TOR3A: variants seen among roughly 807,000 people sequenced by gnomAD.
TOR3A encodes the protein torsin family 3 member A, also known as torsin-3A.
Under a neutral mutation model 42.1 loss-of-function variants are expected in TOR3A, and 44 were observed. The observed-to-expected ratio is 1.04, with a 90% CI of 0.82 to 1.34. The LOEUF (loss-of-function observed/expected upper bound fraction) is 1.34. Ranked by LOEUF, TOR3A falls within the 40% of genes most tolerant of loss-of-function variation. The pLI is 0.00. For missense variants in TOR3A, 521 were observed against 507.6 expected (o/e 1.03, Z -0.25); for synonymous variants, 227 against 213.2 (o/e 1.06, Z -0.57).
At chr1:179,082,859 A>T (rs1368493833) in intron 1 of TOR3A, 81 bp from the exon 2 acceptor site, 16 of 933,222 alleles carry the variant, frequency 1.7e-5, no homozygotes, top group Non-Finnish European at 2.4e-5. Flanking sequence ...TCTGTCCCTG[A>T]CAAGTTGTGT....
At position 179,094,063 on chromosome 1, in the gene TOR3A, A is replaced by G. The variant is rs1346135679; in HGVS notation, c.819-30A>G. 2.5e-6 allele frequency: 4 copies of G among 1,605,998 alleles called. No individual in the cohort carries two copies. In the South Asian group the frequency reaches 4.5e-5, roughly 18 times the overall value. On this transcript the variant is annotated intron_variant, in intron 4 of 5. Transcript: ENST00000367627. ...CATATATGGAAGCTAAATATAAACA[A>G]ATGGGTTAACAAGCTCTTGTCTCTT...
At chr1:179,085,528 C>A (rs992476674) in intron 2 of TOR3A, 100 bp from the exon 3 acceptor site, 6 of 1,471,482 alleles carry the variant, frequency 4.1e-6, no homozygotes, top group Non-Finnish European at 5.6e-6. Context: ...TGATTCCACC[C>A]GAGAGAGATT....
intron 4 of TOR3A, among the ~76,000 whole-genome samples, chr1:179,090,324 C>T (rs963398306): frequency 2.0e-5 from 3 of 152,204 alleles, no homozygotes; most frequent in African/African-American, 7.2e-5. Flanking sequence ...TAGTCTGTGC[C>T]CAGGCTGTCC....
chr1:179,093,953 A>G (rs1572577751), intron 4 of TOR3A, 140 bp from the exon 5 acceptor site: 12 of 1,098,166 alleles, frequency 1.1e-5, no homozygotes, highest in East Asian at 1.1e-4. Flanking sequence ...GGTTGTGACA[A>G]GGTCTCCTGG....
At chr1:179,084,484 C>A (rs12021551) in intron 2 of TOR3A, among the ~76,000 whole-genome samples, 106,205 of 152,088 alleles carry the variant, frequency 0.7, 38,322 homozygotes, top group African/African-American at 0.88. Flanking sequence ...TCAGCCTCCC[C>A]AAGTGCTGGG....
chr1:179,088,294 G>C (rs1041587255), intron 4 of TOR3A: 4 of 425,810 alleles, frequency 9.4e-6, no homozygotes, highest in Admixed American at 4.2e-5. Context: ...GGTCCCTTGA[G>C]TCCAGGAGTT....
chr1:179,082,125 G>A lies in TOR3A; in HGVS notation c.-4G>A. On this transcript the variant is annotated 5_prime_UTR_variant, in exon 1 of 6. Transcript: ENST00000367627. ...CCGGATGGTCCCGCAGCTCGGGGCC[G>A]GCCATGCTTCGCGGTCCGTGGCGCC... The A allele has an allele frequency of 2.7e-6, 4 of 1,487,400 alleles. No homozygotes were observed. The highest frequency in any genetic ancestry group is 1.5e-5 in the African/African-American group (1 of 68,412). The allele number at this position is 1,487,400 out of a possible 1,614,324, so 92.1% of individuals were successfully genotyped here.
At chr1:179,087,864 G>A in intron 3 of TOR3A, 47 bp from the exon 4 acceptor site, 1 of 1,500,744 alleles carries the variant, frequency 6.7e-7, no homozygotes, top group Non-Finnish European at 8.9e-7. Context: ...AAGGCCGGAG[G>A]TGGAAGGAGT....
chr1:179,094,014 G>A (rs1363782110), intron 4 of TOR3A, 79 bp from the exon 5 acceptor site: 6 of 1,534,420 alleles, frequency 3.9e-6, no homozygotes, highest in Non-Finnish European at 5.3e-6. Context: ...AGGCACTAAT[G>A]CATTGGTTTC....
intron 5 of TOR3A, 137 bp downstream of exon 5, chr1:179,094,354 A>C: frequency 1.7e-6 from 2 of 1,149,796 alleles, no homozygotes; most frequent in South Asian, 1.8e-5. Flanking sequence ...TCACATTGTC[A>C]ACCCTGGGTG....
intron 2 of TOR3A, 69 bp from the exon 3 acceptor site, chr1:179,085,559 G>C (rs1652408861): frequency 1.9e-6 from 3 of 1,578,234 alleles, no homozygotes; most frequent in Non-Finnish European, 1.7e-6. Context: ...TGGTTTCTTG[G>C]CTGTTGGCTG....
chr1:179,086,836 C>A (rs180971535), intron 3 of TOR3A, among the ~76,000 whole-genome samples: 80 of 152,252 alleles, frequency 5.3e-4, no homozygotes, highest in African/African-American at 1.9e-3. Flanking sequence ...GAAAACATAC[C>A]AGAAGAGCCT....
intron 3 of TOR3A, 88 bp downstream of exon 3, chr1:179,085,981 A>T: frequency 1.3e-6 from 2 of 1,525,078 alleles, no homozygotes; most frequent in South Asian, 1.2e-5. Flanking sequence ...TGGGCTCTGG[A>T]GAAGCCTGGG....
Position 179,094,073 on chromosome 1 carries a change from C to T in TOR3A, c.819-20C>T. 6.2e-7 allele frequency: 1 copy of T among 1,608,842 alleles called. No individual in the cohort carries two copies. The highest frequency in any genetic ancestry group is 2.2e-5 in the East Asian group (1 of 44,786). Reference sequence around the variant, plus strand: ...AGCTAAATATAAACAAATGGGTTAACAAGCTCTTGTCTCTTTCAGTAATCT... The same window carrying T: ...AGCTAAATATAAACAAATGGGTTAATAAGCTCTTGTCTCTTTCAGTAATCT... On this transcript the variant is annotated intron_variant, in intron 4 of 5. Coordinates refer to ENST00000367627, the MANE Select transcript of TOR3A (RefSeq NM_022371.4).
At chr1:179,082,580 G>A (rs1652319498) in intron 1 of TOR3A, 193 bp downstream of exon 1, 1 of 801,318 alleles carries the variant, frequency 1.2e-6, no homozygotes, top group South Asian at 1.7e-5. Flanking sequence ...TGCCCCACCC[G>A]CGTCCCCTGC....
chr1:179,090,120 G>C lies in TOR3A; in HGVS notation c.818+2031G>C, dbSNP rs527398324. ...GTGGTTGTGGGCGGGGTGGGGGGGG[G>C]GGCCTGCGGGAAAGCCGCCTGCCAG... On this transcript the variant is annotated intron_variant, in intron 4 of 5. Coordinates refer to ENST00000367627, the MANE Select transcript of TOR3A (RefSeq NM_022371.4). Among the ~76,000 whole-genome samples the C allele has an allele frequency of 9.2e-4, 129 of 139,616 alleles. 3 individuals are homozygous for C. The highest frequency in any genetic ancestry group is 3.1e-3 in the African/African-American group (122 of 39,356). The allele number at this position is 139,616 out of a possible 152,430, so 91.6% of individuals were successfully genotyped here.
intron 2 of TOR3A, among the ~76,000 whole-genome samples, chr1:179,084,233 A>AT (rs1440995393): frequency 1.3e-5 from 2 of 151,614 alleles, no homozygotes; most frequent in African/African-American, 4.8e-5. Flanking sequence ...ATTTTATTTT[A>AT]TTTTTTTTAC....
intron 4 of TOR3A, among the ~76,000 whole-genome samples, chr1:179,093,151 G>T (rs61823800): frequency 6.6e-6 from 1 of 152,152 alleles, no homozygotes; most frequent in African/African-American, 2.4e-5. Context: ...TGCCTGGGCC[G>T]TGGAGGGCGG....
chr1:179,089,759 T>C (rs1652527092), intron 4 of TOR3A, among the ~76,000 whole-genome samples: 1 of 152,072 alleles, frequency 6.6e-6, no homozygotes, highest in Non-Finnish European at 1.5e-5. Flanking sequence ...AGCCAGTCCT[T>C]CCCACGGCAC....
Sources: allele counts gnomAD v4.1 joint callset (sites outside exome capture counted in the v4.1 genomes callset), GRCh38; gene constraint gnomAD v4.1.1; transcripts MANE v1.5; gene names NCBI Gene and HGNC (gene_info 2026-07-23, HGNC 2026-07-21).